The following SATB1 variants were observed in gnomAD, a reference collection of about 807,000 sequenced individuals.
SATB1 encodes DNA-binding protein SATB1.
In SATB1, 11 loss-of-function variants were observed where a neutral mutation model predicts 86.9. The ratio of observed to expected loss-of-function variants is 0.13; its 90% CI spans 0.08 to 0.21. SATB1 has a LOEUF of 0.21. SATB1 is among the 10% of genes least tolerant of loss of function. The pLI is 1.00. For synonymous variants in SATB1, 357 were observed against 357.2 expected, an observed-to-expected ratio of 1.00 and a Z score of 0.01; for missense variants, 551 against 937.6, an observed-to-expected ratio of 0.59 and a Z score of 5.39.
chr3:18,415,923 T>C (rs1698087410), intron 4 of SATB1, 84 bp downstream of exon 4: 3 of 1,335,930 alleles, frequency 2.2e-6, no homozygotes, highest in South Asian at 1.6e-5. Context: ...AAAAAAAAAT[T>C]GAAGGTCGAC....
intron 9 of SATB1, among the ~76,000 whole-genome samples, chr3:18,373,103 T>A (rs1213943865): frequency 2.0e-5 from 3 of 152,178 alleles, no homozygotes; most frequent in African/African-American, 7.2e-5. Context: ...CCCCTCAGGG[T>A]GTCCTCTACA....
chr3:18,432,533 C>T lies in SATB1; in HGVS notation c.-25+4256G>A, dbSNP rs548354959. On this transcript the variant is annotated intron_variant, in intron 2 of 3. Transcript: ENST00000414509. The stretch of plus-strand genomic sequence containing the variant: ...ATAAGGCACTGGACGAGGCATTGTC[C>T]GTTGGAAGGAAAGCCACCATCAGAA... 3.3e-5 allele frequency among the ~76,000 whole-genome samples: 5 copies of T among 152,206 alleles called. No homozygotes were observed. In the South Asian group the frequency reaches 8.3e-4, roughly 25 times the overall value.
chr3:18,404,746 G>A (rs1307029139), intron 5 of SATB1, among the ~76,000 whole-genome samples: 1 of 151,816 alleles, frequency 6.6e-6, no homozygotes, highest in East Asian at 1.9e-4. Context: ...TCTCTATTCT[G>A]CCCTTTTGTA....
In SATB1 at chr3:18,368,231, A is replaced by G. The variant is rs180713795; in HGVS notation, c.1575+9939T>C. 1.1e-3 allele frequency among the ~76,000 whole-genome samples: 163 copies of G among 152,346 alleles called. 1 individual carries two copies. The highest frequency in any genetic ancestry group is 3.9e-3 in the African/African-American group (162 of 41,586). ...ATCAGGAGAGTGTTGTGATATAGGA[A>G]TTGAATCAAATATTCTACAATAACT... On this transcript the variant is annotated intron_variant, in intron 9 of 10. Transcript: ENST00000338745.
intron 1 of SATB1, chr3:18,445,039 G>A (rs1288839672): frequency 8.6e-5 from 20 of 231,394 alleles, no homozygotes; most frequent in African/African-American, 2.4e-5. Context: ...GGCGTCCCCC[G>A]CGGGAGCCCG....
At chr3:18,374,551 T>C (rs140162130) in intron 9 of SATB1, among the ~76,000 whole-genome samples, 4 of 152,348 alleles carry the variant, frequency 2.6e-5, no homozygotes, top group African/African-American at 9.6e-5. Context: ...AAGTTTGCAT[T>C]AGCCTGCTTT....
At chr3:18,373,156 A>G (rs879364660) in intron 9 of SATB1, among the ~76,000 whole-genome samples, 9 of 152,220 alleles carry the variant, frequency 5.9e-5, no homozygotes, top group Admixed American at 1.3e-4. Context: ...CTCTCTTTAG[A>G]AAGTGAATGA....
chr3:18,372,639 G>A (rs972402953), intron 9 of SATB1, among the ~76,000 whole-genome samples: 5 of 151,972 alleles, frequency 3.3e-5, no homozygotes, highest in Admixed American at 6.6e-5. Flanking sequence ...TTTTTAGGAG[G>A]CAAGAATCTC....
At chr3:18,404,436 T>C (rs1697418995) in intron 5 of SATB1, among the ~76,000 whole-genome samples, 2 of 152,030 alleles carry the variant, frequency 1.3e-5, no homozygotes, top group South Asian at 4.1e-4. Context: ...TCAATCCTAG[T>C]GCCTGAAAAT....
At chr3:18,421,329 T>C (rs1698386839) in intron 1 of SATB1, 1 of 191,768 alleles carries the variant, frequency 5.2e-6, no homozygotes, top group African/African-American at 2.4e-5. Context: ...TGCATTTACG[T>C]AGTCCCAATT....
At chr3:18,385,972 C>T (rs1696324785) in intron 8 of SATB1, among the ~76,000 whole-genome samples, 1 of 152,028 alleles carries the variant, frequency 6.6e-6, no homozygotes, top group Non-Finnish European at 1.5e-5. Flanking sequence ...GTAATTGGTA[C>T]CAGCTGCAGT....
rs1694422141 is a variant in SATB1, at chr3:18,352,574, G to GGA, written c.1576-380_1576-379insTC. Reference sequence around the variant, plus strand: ...CATCTGAGGATACGGAAGTGCCTAAGAGGCAGGACAGATTTTAGAAATAAT... The same window carrying GGA: ...CATCTGAGGATACGGAAGTGCCTAAGGAAGGCAGGACAGATTTTAGAAATAAT... On this transcript the variant is annotated intron_variant, in intron 9 of 10. Transcript: ENST00000338745. This position sits in a 1 kb window ranked among gnomAD's most constrained non-coding sequence, Gnocchi z 4.1. 1 of 195,130 alleles carries GGA rather than the reference G, an allele frequency of 5.1e-6. No individual in the cohort carries two copies. The highest frequency in any genetic ancestry group is 2.3e-5 in the African/African-American group (1 of 43,034). 12.1% of individuals were successfully genotyped at this position (195,130 alleles called of 1,614,324 possible).
At chr3:18,385,572 A>C (rs1696297403) in intron 8 of SATB1, among the ~76,000 whole-genome samples, 1 of 151,918 alleles carries the variant, frequency 6.6e-6, no homozygotes, top group African/African-American at 2.4e-5. Flanking sequence ...GCAGTGAGTG[A>C]AGATCGTGCC....
At chr3:18,405,968 T>C (rs962150125) in intron 5 of SATB1, among the ~76,000 whole-genome samples, 5 of 152,034 alleles carry the variant, frequency 3.3e-5, no homozygotes, top group African/African-American at 7.2e-5. Context: ...CTTCACAGTG[T>C]AGGAAAATGC....
chr3:18,445,303 C>T (rs1335973404), intron 1 of SATB1: 6 of 985,542 alleles, frequency 6.1e-6, no homozygotes, highest in Non-Finnish European at 7.2e-6. Context: ...CCGCCGCCGC[C>T]GCCGCTGCTG....
chr3:18,389,207 A>C (rs2125104511), intron 7 of SATB1, among the ~76,000 whole-genome samples: 1 of 151,578 alleles, frequency 6.6e-6, no homozygotes, highest in East Asian at 1.9e-4. Context: ...GAAACACTCA[A>C]AGAGCTTTAA....
intron 6 of SATB1, among the ~76,000 whole-genome samples, chr3:18,395,837 G>A (rs1696937871): frequency 6.6e-6 from 1 of 152,162 alleles, no homozygotes; most frequent in Admixed American, 6.5e-5. Flanking sequence ...CTCTAAGTAT[G>A]TAAATGCTTT....
upstream of SATB1, among the ~76,000 whole-genome samples, chr3:18,428,374 AG>A (rs2125190824): frequency 6.6e-6 from 1 of 152,334 alleles, no homozygotes; most frequent in East Asian, 1.9e-4. Context: ...ACAAGAGCAA[AG>A]CCCACATGAT....
In SATB1 at chr3:18,362,092, G is replaced by GATGA. The variant is rs1422347769; in HGVS notation, c.1576-9901_1576-9898dup. On this transcript the variant is annotated intron_variant, in intron 9 of 10. Transcript: ENST00000338745. The stretch of plus-strand genomic sequence containing the variant: ...TTTCTTGTCTGTCTCTTCCATAACT[G>GATGA]ATGAATTCCTGTCAATACTCCCTCA... Among the ~76,000 whole-genome samples, 3 of 152,132 alleles carry GATGA rather than the reference G, an allele frequency of 2.0e-5. No homozygotes were observed. In the East Asian group the frequency reaches 5.8e-4, roughly 29 times the overall value.
Sources: gnomAD v4.1 joint callset for allele counts (sites outside exome capture counted in the v4.1 genomes callset) on GRCh38, gnomAD v4.1.1 for gene constraint, Gnocchi (gnomAD v3.1) non-coding constraint, MANE v1.5 for transcripts, NCBI Gene and HGNC (gene_info 2026-07-23, HGNC 2026-07-21) for gene names.